GRAMD2A: variants seen among roughly 807,000 people sequenced by gnomAD.
GRAMD2A encodes the protein GRAM domain containing 2A.
Under a neutral mutation model 51.1 loss-of-function variants are expected in GRAMD2A, and 37 were observed. The ratio of observed to expected loss-of-function variants is 0.72; its 90% confidence interval spans 0.56 to 0.95. The LOEUF (loss-of-function observed/expected upper bound fraction) is 0.95, where lower values mean the gene tolerates loss of function less well. Among genes scored for constraint, GRAMD2A ranks in the 40% least tolerant of loss-of-function variants. The probability of loss-of-function intolerance (pLI) is 0.00; values close to 1 mark genes in which losing one functional copy is unlikely to be tolerated. For synonymous variants in GRAMD2A, 136 were observed against 157.1 expected (o/e 0.87, Z 1.01); for missense variants, 414 against 426.9 (o/e 0.97, Z 0.27).
chr15:72,181,348 C>A (rs1377796385), intron 1 of GRAMD2A, among the ~76,000 whole-genome samples: 1 of 152,188 alleles, frequency 6.6e-6, no homozygotes, highest in Non-Finnish European at 1.5e-5. Context: ...CAAGTAATCC[C>A]ATGGAAGTGG....
At position 72,167,823 on chromosome 15, in the gene GRAMD2A, G is replaced by C; in HGVS notation, c.285C>G (p.Leu95=). ...EVVLKVCSCA[L]QRDFLLQGRL... ...GGCCCTGGAGGAGGAAGTCCCTCTG[G>C]AGGGCACAGGAACACACTAGGATGT... The change falls in exon 5 of 12, where the codon CTC becomes CTG. Residue 95 remains leucine, a synonymous_variant. Transcript: ENST00000309731. 1 of 1,613,668 alleles carries C rather than the reference G, an allele frequency of 6.2e-7. No individual in the cohort carries two copies.
chr15:72,164,997 A>G (rs1349167395), intron 8 of GRAMD2A, among the ~76,000 whole-genome samples: 1 of 152,158 alleles, frequency 6.6e-6, no homozygotes, highest in Non-Finnish European at 1.5e-5. Flanking sequence ...AAATTAGCTG[A>G]GTGTGATGGC....
chr15:72,177,389 G>A (rs142823979), intron 1 of GRAMD2A, among the ~76,000 whole-genome samples: 254 of 152,318 alleles, frequency 1.7e-3, no homozygotes, highest in African/African-American at 5.4e-3. Context: ...TGCTTCCTCT[G>A]GTTTCACTGG....
chr15:72,192,090 A>T (rs975399894), intron 1 of GRAMD2A, among the ~76,000 whole-genome samples: 15 of 152,258 alleles, frequency 9.9e-5, no homozygotes, highest in African/African-American at 3.6e-4. Flanking sequence ...ACATTGAAAT[A>T]TTTTTGGATA....
chr15:72,190,101 G>T (rs948849816), intron 1 of GRAMD2A, among the ~76,000 whole-genome samples: 2 of 152,192 alleles, frequency 1.3e-5, no homozygotes, highest in African/African-American at 4.8e-5. Context: ...AATTAGCTGG[G>T]CGTGGTGGCT....
chr15:72,195,179 T>G (rs1040895285), intron 1 of GRAMD2A, among the ~76,000 whole-genome samples: 1 of 152,226 alleles, frequency 6.6e-6, no homozygotes, highest in Non-Finnish European at 1.5e-5. Context: ...CCCCTGAAGC[T>G]GCTAGAAGTG....
At chr15:72,169,273 G>C (rs1031371333) in intron 2 of GRAMD2A, 1 of 530,244 alleles carries the variant, frequency 1.9e-6, no homozygotes, top group African/African-American at 1.9e-5. Flanking sequence ...AGGTGCGCCT[G>C]GTCTCCCAGA....
chr15:72,171,199 G>C (rs1019666907), intron 1 of GRAMD2A, among the ~76,000 whole-genome samples: 10 of 152,116 alleles, frequency 6.6e-5, no homozygotes, highest in Non-Finnish European at 4.4e-5. Flanking sequence ...CAACAGTCTT[G>C]TGAAGTGACA....
At chr15:72,181,173 C>T (rs999708187) in intron 1 of GRAMD2A, among the ~76,000 whole-genome samples, 4 of 152,254 alleles carry the variant, frequency 2.6e-5, no homozygotes, top group East Asian at 1.9e-4. Context: ...AGGTGAGCAG[C>T]GAAGTGGTAA....
intron 1 of GRAMD2A, among the ~76,000 whole-genome samples, chr15:72,186,183 A>G (rs189898868): frequency 4.6e-4 from 70 of 152,298 alleles, no homozygotes; most frequent in African/African-American, 1.7e-3. Flanking sequence ...CACTAAAATT[A>G]TAGTGCTCAG....
intron 1 of GRAMD2A, among the ~76,000 whole-genome samples, chr15:72,194,607 A>T (rs1365094254): frequency 6.6e-6 from 1 of 152,190 alleles, no homozygotes; most frequent in Non-Finnish European, 1.5e-5. Flanking sequence ...CTTAAAACTT[A>T]GGAAATACCT....
rs780728423 is a variant in GRAMD2A at position 72,169,818 on chromosome 15, GTA to G, written c.134+27_134+28del. 1.6e-4 allele frequency: 244 copies of G among 1,539,726 alleles called. No homozygotes were observed. The Middle Eastern group carries it at 1.7e-3, about 11-fold the overall frequency. On this transcript the variant is annotated intron_variant, in intron 2 of 11. Transcript: ENST00000309731. ...GGGCTTCCCACCCTCTAGTCTGTGT[GTA>G]TCTATGACTGGGAAAGGGGTCCTCA...
chr15:72,163,220 T>G (rs758437755), intron 10 of GRAMD2A, 46 bp downstream of exon 10: 8 of 1,331,386 alleles, frequency 6.0e-6, no homozygotes, highest in Non-Finnish European at 8.7e-6. Flanking sequence ...TCCAAGCACC[T>G]AGACATGCAG....
intron 2 of GRAMD2A, chr15:72,169,344 G>A: frequency 2.2e-6 from 1 of 457,030 alleles, no homozygotes; most frequent in Non-Finnish European, 4.1e-6. Flanking sequence ...TGGCCAAGGG[G>A]TAAGCAGGGG....
At chr15:72,191,919 A>G (rs1374941761) in intron 1 of GRAMD2A, among the ~76,000 whole-genome samples, 2 of 152,386 alleles carry the variant, frequency 1.3e-5, no homozygotes, top group African/African-American at 4.8e-5. Flanking sequence ...TAGTCAAAGT[A>G]TAAACTTCAT....
At chr15:72,177,080 G>A (rs1484540355) in intron 1 of GRAMD2A, among the ~76,000 whole-genome samples, 2 of 151,384 alleles carry the variant, frequency 1.3e-5, no homozygotes, top group Non-Finnish European at 2.9e-5. Flanking sequence ...CTGTTGCCCA[G>A]GCTGGTCCTG....
intron 11 of GRAMD2A, 118 bp downstream of exon 11, chr15:72,162,155 T>G: frequency 7.4e-7 from 1 of 1,356,718 alleles, no homozygotes; most frequent in Non-Finnish European, 1.1e-6. Context: ...CAACCTTGCT[T>G]AGGGTCAGAA....
chr15:72,175,760 T>C (rs1295895245), intron 1 of GRAMD2A: 1 of 152,298 alleles, frequency 6.6e-6, no homozygotes, highest in Non-Finnish European at 1.5e-5. Flanking sequence ...CAGTTGACTC[T>C]GAGCTCCAGC....
intron 1 of GRAMD2A, among the ~76,000 whole-genome samples, chr15:72,182,983 C>T (rs1260799812): frequency 1.3e-5 from 2 of 152,126 alleles, no homozygotes; most frequent in Non-Finnish European, 2.9e-5. Context: ...GGTGATCCTC[C>T]CACCTCAGCC....
Sources: allele counts gnomAD v4.1 joint callset (sites outside exome capture counted in the v4.1 genomes callset), GRCh38; gene constraint gnomAD v4.1.1; transcripts MANE v1.5; gene names NCBI Gene and HGNC (gene_info 2026-07-23, HGNC 2026-07-21).